The following DOC2B variants were observed in gnomAD, a reference collection of about 807,000 sequenced individuals.
The protein encoded by DOC2B is double C2 domain beta.
Under a neutral mutation model 28.9 loss-of-function variants are expected in DOC2B, and 21 were observed. The ratio of observed to expected loss-of-function variants is 0.73; its 90% CI spans 0.52 to 1.05. The LOEUF is 1.05. DOC2B is among the 50% of genes least tolerant of loss of function. The pLI, the probability that DOC2B is intolerant of heterozygous loss-of-function variation, is 0.00. For missense variants in DOC2B, 384 were observed against 421.1 expected (o/e 0.91, Z 0.77); for synonymous variants, 194 against 178.1 (o/e 1.09, Z -0.71).
intron 1 of DOC2B, among the ~76,000 whole-genome samples, chr17:174,097 G>T (rs2040342371): frequency 6.6e-6 from 1 of 152,196 alleles, no homozygotes; most frequent in South Asian, 2.1e-4. Flanking sequence ...GCTAATGAAA[G>T]GCCACGAGTG....
chr17:148,512 C>A (rs2040039449), intron 7 of DOC2B, among the ~76,000 whole-genome samples: 3 of 152,122 alleles, frequency 2.0e-5, no homozygotes, highest in Admixed American at 2.0e-4. Flanking sequence ...ACCCCGGGAG[C>A]CTCCTGACTG....
intron 6 of DOC2B, among the ~76,000 whole-genome samples, chr17:155,783 T>C (rs1287314823): frequency 6.6e-6 from 1 of 152,184 alleles, no homozygotes; most frequent in Non-Finnish European, 1.5e-5. Flanking sequence ...GGTGGACTCT[T>C]ATCCGCATCT....
chr17:177,680 T>C (rs1189684851), intron 1 of DOC2B, among the ~76,000 whole-genome samples: 1 of 152,246 alleles, frequency 6.6e-6, no homozygotes, highest in East Asian at 1.9e-4. Context: ...CTCTCAGCAT[T>C]CTTGTATCTC....
intron 5 of DOC2B, among the ~76,000 whole-genome samples, chr17:159,202 C>G (rs1168654141): frequency 6.6e-6 from 1 of 151,906 alleles, no homozygotes; most frequent in Admixed American, 6.6e-5. Flanking sequence ...TAAAACCTAC[C>G]GCCAGAGGCC....
At chr17:156,094 A>C in intron 6 of DOC2B, 126 bp downstream of exon 6, 1 of 1,091,354 alleles carries the variant, frequency 9.2e-7, no homozygotes. Context: ...CCCATCAGGG[A>C]ACACAGCGCC....
chr17:147,175 G>A lies in DOC2B; in HGVS notation c.*266C>T, dbSNP rs2040025268. 1 of 361,154 alleles carries A rather than the reference G, an allele frequency of 2.8e-6. No homozygotes were observed. The highest frequency in any genetic ancestry group is 7.2e-4 in the Middle Eastern group (1 of 1,384). 22.4% of individuals were successfully genotyped at this position (361,154 alleles called of 1,614,324 possible). ...CCAGATGGGCGTGTCCCCTTCCCCT[G>A]GGCAGGTGCTGAGGTCTCTTTCCAC... is the stretch of plus-strand genomic sequence containing the variant. On this transcript the variant is annotated 3_prime_UTR_variant, in exon 9 of 9. Transcript: ENST00000613549.
intron 1 of DOC2B, among the ~76,000 whole-genome samples, chr17:177,916 C>T (rs1452465739): frequency 1.3e-5 from 2 of 152,266 alleles, no homozygotes; most frequent in African/African-American, 2.4e-5. Flanking sequence ...CGGTCCTGAC[C>T]CGGTCCTGGG....
intron 3 of DOC2B, among the ~76,000 whole-genome samples, chr17:163,252 C>A (rs17054921): frequency 0.015 from 2,340 of 152,248 alleles, 54 homozygotes; most frequent in East Asian, 0.071. Context: ...TATCCCTGAG[C>A]CCTTCTTGCA....
In DOC2B at chr17:181,261, G is replaced by T. The variant is rs1597841106; in HGVS notation, c.219C>A (p.Ser73=). 1.7e-6 allele frequency: 2 copies of T among 1,210,342 alleles called. No individual in the cohort carries two copies. The highest frequency in any genetic ancestry group is 2.1e-6 in the Non-Finnish European group (2 of 974,466). 75.0% of individuals were successfully genotyped at this position (1,210,342 alleles called of 1,614,324 possible). The change falls in exon 1 of 9, where the codon TCC becomes TCA. Residue 73 remains serine (S), a synonymous_variant. Coordinates refer to ENST00000613549, the MANE Select transcript of DOC2B (RefSeq NM_003585.5). The surrounding 1 kb of genome is among the most constrained non-coding windows in gnomAD (Gnocchi z 7.0). ...CCTCGTCGTCCTCGCGGGCGCCGTC[G>T]GAGGGGCTGCGGCGGCCGGCACCGG... ...AVAGAGRRSP[S]DGAREDDEDV... is the part of the protein sequence containing the mutation.
chr17:152,410 G>T (rs1388814634), intron 6 of DOC2B, among the ~76,000 whole-genome samples: 1 of 152,166 alleles, frequency 6.6e-6, no homozygotes, highest in Non-Finnish European at 1.5e-5. Flanking sequence ...CAAGAGCTGG[G>T]CCTGGGGTCA....
intron 5 of DOC2B, among the ~76,000 whole-genome samples, chr17:156,786 C>T (rs960029495): frequency 6.6e-6 from 1 of 152,196 alleles, no homozygotes; most frequent in Non-Finnish European, 1.5e-5. Flanking sequence ...ACTATTTTGC[C>T]CAGGCTGATC....
At chr17:178,968 A>G (rs1176679075) in intron 1 of DOC2B, among the ~76,000 whole-genome samples, 6 of 152,164 alleles carry the variant, frequency 3.9e-5, no homozygotes, top group African/African-American at 1.4e-4. Flanking sequence ...CTGTTCCCCC[A>G]CCATGGACAA....
At position 181,578 on chromosome 17, in the gene DOC2B, G is replaced by C. The variant is rs1440113353; in HGVS notation, c.-99C>G. ...CGGCGGGGCGCGGCGGGGGCTGCGG[G>C]CATCGCCGGCCGCGCCCCCGGACGG... On this transcript the variant is annotated 5_prime_UTR_variant, in exon 1 of 9. Coordinates refer to ENST00000613549, the MANE Select transcript of DOC2B (RefSeq NM_003585.5). This position sits in a 1 kb window ranked among gnomAD's most constrained non-coding sequence, Gnocchi z 7.0. 3.6e-6 allele frequency: 2 copies of C among 555,068 alleles called. No homozygotes were observed. Among genetic ancestry groups the C allele is most frequent in the African/African-American group, 4.1e-5 (2 of 48,576 alleles). The allele number at this position is 555,068 out of a possible 1,614,324, so 34.4% of individuals were successfully genotyped here.
intron 6 of DOC2B, among the ~76,000 whole-genome samples, chr17:152,511 T>C (rs1372228545): frequency 6.6e-6 from 1 of 152,200 alleles, no homozygotes; most frequent in Non-Finnish European, 1.5e-5. Flanking sequence ...CTTGCACCTG[T>C]AATCCCAGCA....
intron 2 of DOC2B, among the ~76,000 whole-genome samples, chr17:165,594 G>C (rs1293924062): frequency 6.6e-6 from 1 of 152,080 alleles, no homozygotes; most frequent in Non-Finnish European, 1.5e-5. Flanking sequence ...GGCAGGGTTT[G>C]CTCCCTTCCC....
chr17:164,045 G>C, intron 3 of DOC2B, 85 bp downstream of exon 3: 1 of 1,149,220 alleles, frequency 8.7e-7, no homozygotes, highest in Non-Finnish European at 1.3e-6. Context: ...GCCCAGTCCA[G>C]GCCCCAAAGC....
At position 147,396 on chromosome 17, in the gene DOC2B, G is replaced by A. The variant is rs1384479297; in HGVS notation, c.*45C>T. On this transcript the variant is annotated 3_prime_UTR_variant, in exon 9 of 9. Coordinates refer to ENST00000613549, the MANE Select transcript of DOC2B (RefSeq NM_003585.5). Reference sequence around the variant, plus strand: ...CTGCTGGGGAAGCCCGGGGCCGGCCGTGCTGGGCGCAGGTGGCGGCAGGGG... The same window carrying A: ...CTGCTGGGGAAGCCCGGGGCCGGCCATGCTGGGCGCAGGTGGCGGCAGGGG... The A allele has an allele frequency of 2.0e-5, 8 of 398,736 alleles. No homozygotes were observed. The highest frequency in any genetic ancestry group is 3.5e-5 in the Non-Finnish European group (8 of 226,240). 24.7% of individuals were successfully genotyped at this position (398,736 alleles called of 1,614,324 possible). A position where few individuals can be genotyped will look rare whatever the true frequency, so the allele number is the denominator to read the frequency against.
intron 6 of DOC2B, among the ~76,000 whole-genome samples, chr17:155,389 A>C (rs1266738193): frequency 6.6e-6 from 1 of 152,124 alleles, no homozygotes; most frequent in South Asian, 2.1e-4. Flanking sequence ...CATGGTGCCA[A>C]GATGTCCCTG....
chr17:181,424 G>T lies in DOC2B; in HGVS notation c.56C>A (p.Ala19Asp). 1 of 1,185,730 alleles carries T rather than the reference G, an allele frequency of 8.4e-7. No homozygotes were observed. The highest frequency in any genetic ancestry group is 1.1e-6 in the Non-Finnish European group (1 of 943,606). 73.5% of individuals were successfully genotyped at this position (1,185,730 alleles called of 1,614,324 possible). A position where few individuals can be genotyped will look rare whatever the true frequency, so the allele number is the denominator to read the frequency against. Reference sequence around the variant, plus strand: ...GATGGGGCCGGGGCACACGTCGATGGCCATATGCTCCTGGATGCTGATGGT... The same window carrying T: ...GATGGGGCCGGGGCACACGTCGATGTCCATATGCTCCTGGATGCTGATGGT... ...KATISIQEHM[A>D]IDVCPGPIRP... Residue 19 changes from alanine (A) to aspartate (D), a missense_variant, in exon 1 of 9, where the codon GCC becomes GAC. Coordinates refer to ENST00000613549, the MANE Select transcript of DOC2B (RefSeq NM_003585.5). This position sits in a 1 kb window ranked among gnomAD's most constrained non-coding sequence, Gnocchi z 7.0.
Sources: allele counts gnomAD v4.1 joint callset (sites outside exome capture counted in the v4.1 genomes callset), GRCh38; gene constraint gnomAD v4.1.1; non-coding constraint Gnocchi (gnomAD v3.1); transcripts MANE v1.5; gene names NCBI Gene and HGNC (gene_info 2026-07-23, HGNC 2026-07-21).